Variants in NAALADL2 observed in about 807,000 individuals in gnomAD.
NAALADL2 encodes the protein inactive N-acetylated-alpha-linked acidic dipeptidase-like protein 2.
In NAALADL2, 76 loss-of-function variants were observed where a neutral mutation model predicts 87.2. The observed-to-expected ratio is 0.87, with a 90% CI of 0.72 to 1.05. NAALADL2 has a LOEUF of 1.05. Among genes scored for constraint, NAALADL2 ranks in the 50% least tolerant of loss-of-function variants. NAALADL2 has a pLI of 0.00. For missense variants in NAALADL2, 1,089 were observed against 945.8 expected, an observed-to-expected ratio of 1.15 and a Z score of -1.99; for synonymous variants, 354 against 331.0, an observed-to-expected ratio of 1.07 and a Z score of -0.75.
chr3:175,440,908 C>T (rs975703724), intron 5 of NAALADL2, among the ~76,000 whole-genome samples: 1 of 152,058 alleles, frequency 6.6e-6, no homozygotes, highest in Non-Finnish European at 1.5e-5. Context: ...CTGGCTAGGA[C>T]TTCCTCTATG....
At chr3:174,674,701 A>AT (rs913694347) in intron 2 of NAALADL2, among the ~76,000 whole-genome samples, 27 of 151,872 alleles carry the variant, frequency 1.8e-4, no homozygotes, top group African/African-American at 6.3e-4. Flanking sequence ...AACAGGGTCT[A>AT]TTTTTTTACA....
chr3:175,795,677 T>C (rs781362327), intron 13 of NAALADL2, among the ~76,000 whole-genome samples: 1 of 151,362 alleles, frequency 6.6e-6, no homozygotes, highest in Middle Eastern at 3.2e-3. Flanking sequence ...AGCGAGACTC[T>C]GTCTCAAAAA....
intron 1 of NAALADL2, among the ~76,000 whole-genome samples, chr3:174,518,862 AC>A (rs1250598975): frequency 3.3e-5 from 5 of 152,210 alleles, no homozygotes; most frequent in Non-Finnish European, 7.3e-5. Flanking sequence ...AGCCTGGTCA[AC>A]CTTTTGAGAA....
chr3:175,651,021 A>G (rs1730687203), intron 11 of NAALADL2, among the ~76,000 whole-genome samples: 1 of 152,192 alleles, frequency 6.6e-6, no homozygotes. Context: ...AATACAAACA[A>G]AAAAATATTA....
chr3:175,321,761 C>T (rs1450484346), intron 4 of NAALADL2, among the ~76,000 whole-genome samples: 8 of 133,118 alleles, frequency 6.0e-5, no homozygotes, highest in Non-Finnish European at 9.4e-5. Context: ...AATAAAATAC[C>T]TAGGAATCCA....
rs74378814 is a variant in NAALADL2, at chr3:175,577,702, T to A, written c.1800+1515T>A. 2.5e-3 allele frequency among the ~76,000 whole-genome samples: 375 copies of A among 152,236 alleles called. 1 individual carries two copies. In the Middle Eastern group the frequency reaches 0.044, roughly 18 times the overall value. On this transcript the variant is annotated intron_variant, in intron 10 of 13. Coordinates refer to ENST00000454872, the MANE Select transcript of NAALADL2 (RefSeq NM_207015.3). ...CTCCAAAAAAAGAATTAAAATGGAG[T>A]CCCCTATGCTTTATAATAAATGACC...
chr3:174,649,003 T>A (rs1393222537), intron 2 of NAALADL2, among the ~76,000 whole-genome samples: 1 of 152,060 alleles, frequency 6.6e-6, no homozygotes, highest in Non-Finnish European at 1.5e-5. Context: ...AATTTCACTC[T>A]TATCGCCCAG....
At chr3:175,735,467 T>C (rs1023855016) in intron 11 of NAALADL2, among the ~76,000 whole-genome samples, 6 of 152,268 alleles carry the variant, frequency 3.9e-5, no homozygotes, top group African/African-American at 4.8e-5. Context: ...AGTCTGCTGC[T>C]GATAAAGACA....
At chr3:175,095,228 C>T (rs559703546) in intron 1 of NAALADL2, among the ~76,000 whole-genome samples, 1 of 152,160 alleles carries the variant, frequency 6.6e-6, no homozygotes, top group African/African-American at 2.4e-5. Context: ...GCAAAAGCAA[C>T]TTAGAGGTCA....
Position 175,221,194 on chromosome 3 carries a change from G to GT in NAALADL2, c.546-12733dup, listed in dbSNP as rs1184831800. Among the ~76,000 whole-genome samples the GT allele has an allele frequency of 2.4e-4, 15 of 63,246 alleles. No homozygotes were observed. In the South Asian group the frequency reaches 2.6e-3, roughly 11 times the overall value. The allele number at this position is 63,246 out of a possible 152,430, so 41.5% of individuals were successfully genotyped here. A position where few individuals can be genotyped will look rare whatever the true frequency, so the allele number is the denominator to read the frequency against. On this transcript the variant is annotated intron_variant, in intron 2 of 13. Transcript: ENST00000454872. Reference sequence around the variant, plus strand: ...AGCCTGGATGACAGAGCAAGACTCCGTTTTAAAAAAAAAAAAAAAAAAGAT... The same window carrying GT: ...AGCCTGGATGACAGAGCAAGACTCCGTTTTTAAAAAAAAAAAAAAAAAAGAT...
chr3:175,031,428 G>A (rs904433185), intron 1 of NAALADL2, among the ~76,000 whole-genome samples: 2 of 152,038 alleles, frequency 1.3e-5, no homozygotes, highest in Non-Finnish European at 2.9e-5. Context: ...TTGCATCCAT[G>A]CTGCTGCAGA....
At chr3:175,320,445 T>A (rs1759705380) in intron 4 of NAALADL2, among the ~76,000 whole-genome samples, 1 of 152,146 alleles carries the variant, frequency 6.6e-6, no homozygotes, top group Non-Finnish European at 1.5e-5. Flanking sequence ...CCCATAAGGT[T>A]ACGTGTAAAT....
At position 175,694,990 on chromosome 3, in the gene NAALADL2, C is replaced by T. The variant is rs1737550406; in HGVS notation, c.1897-42316C>T. On this transcript the variant is annotated intron_variant, in intron 11 of 13. Coordinates refer to ENST00000454872, the MANE Select transcript of NAALADL2 (RefSeq NM_207015.3). The stretch of plus-strand genomic sequence containing the variant: ...AATTGTTAATGAGCAGTCTCGACTT[C>T]ACTGCTGTTAGACTTTCTGTGCCTT... Among the ~76,000 whole-genome samples the T allele has an allele frequency of 2.6e-5, 4 of 151,696 alleles. No homozygotes were observed. In the South Asian group the frequency reaches 8.3e-4, roughly 32 times the overall value.
At chr3:175,217,197 C>A (rs1190813391) in intron 2 of NAALADL2, among the ~76,000 whole-genome samples, 2 of 152,114 alleles carry the variant, frequency 1.3e-5, no homozygotes, top group Admixed American at 6.5e-5. Context: ...GAGTATACCC[C>A]AGCTAGGCAC....
At chr3:174,733,104 C>A (rs1396300713) in intron 2 of NAALADL2, among the ~76,000 whole-genome samples, 2 of 151,978 alleles carry the variant, frequency 1.3e-5, no homozygotes, top group African/African-American at 2.4e-5. Flanking sequence ...TATATATGAT[C>A]TGGTTGGAGT....
intron 2 of NAALADL2, among the ~76,000 whole-genome samples, chr3:174,653,373 T>C (rs1389354210): frequency 6.6e-6 from 1 of 152,208 alleles, no homozygotes; most frequent in African/African-American, 2.4e-5. Context: ...TTCATTATCT[T>C]TGAGCTTTTG....
At chr3:175,570,658 A>T (rs935814005) in intron 9 of NAALADL2, among the ~76,000 whole-genome samples, 1 of 152,122 alleles carries the variant, frequency 6.6e-6, no homozygotes, top group Non-Finnish European at 1.5e-5. Flanking sequence ...AGGCGGGCGG[A>T]TCACGAGGTC....
chr3:175,534,384 A>C (rs1306412150), intron 9 of NAALADL2, among the ~76,000 whole-genome samples: 1 of 152,184 alleles, frequency 6.6e-6, no homozygotes, highest in Non-Finnish European at 1.5e-5. Context: ...AGCCCATCCT[A>C]ACTTGGAGTC....
rs540123971 is a variant in NAALADL2 at position 174,450,904 on chromosome 3, A to T, written c.-184+9872A>T. On this transcript the variant is annotated intron_variant, in intron 1 of 3. Transcript: ENST00000434257. ...AAAAAAAAAAAAAAAGAAAGAAAGA[A>T]AAAGACTGGGAGGGTCAGTTTTTAT... Among the ~76,000 whole-genome samples the T allele has an allele frequency of 5.3e-5, 8 of 151,644 alleles. No individual in the cohort carries two copies. The South Asian group carries it at 1.7e-3, about 32-fold the overall frequency.
Sources: gnomAD v4.1 joint callset for allele counts (sites outside exome capture counted in the v4.1 genomes callset) on GRCh38, gnomAD v4.1.1 for gene constraint, MANE v1.5 for transcripts, NCBI Gene and HGNC (gene_info 2026-07-23, HGNC 2026-07-21) for gene names.